The following GPAT3 variants were observed in gnomAD, a reference collection of about 807,000 sequenced individuals.
The protein encoded by GPAT3 is 1-AGP acyltransferase 9.
In GPAT3, 53 loss-of-function variants were observed where a neutral mutation model predicts 58.8. The ratio of observed to expected loss-of-function variants is 0.90; its 90% CI spans 0.72 to 1.13. GPAT3 has a LOEUF of 1.13. GPAT3 is among the 50% of genes most tolerant of loss of function. GPAT3 has a pLI of 0.00. For missense variants in GPAT3, 511 were observed against 527.6 expected (o/e 0.97, Z 0.31); for synonymous variants, 197 against 187.4 (o/e 1.05, Z -0.42).
At chr4:83,558,213 T>A (rs12331198) in intron 2 of GPAT3, among the ~76,000 whole-genome samples, 99 of 146,102 alleles carry the variant, frequency 6.8e-4, no homozygotes, top group East Asian at 3.8e-3. Context: ...GCCTCTGTCT[T>A]AAAAAAAAAA....
At chr4:83,571,558 GA>G (rs959612223) in intron 2 of GPAT3, among the ~76,000 whole-genome samples, 1 of 151,074 alleles carries the variant, frequency 6.6e-6, no homozygotes, top group African/African-American at 2.4e-5. Flanking sequence ...ATACTTTGTT[GA>G]AAAATTAGAC....
intron 2 of GPAT3, among the ~76,000 whole-genome samples, chr4:83,545,118 A>G (rs563319918): frequency 3.3e-4 from 50 of 152,338 alleles, no homozygotes; most frequent in Non-Finnish European, 4.3e-4. Context: ...AGTGCCTACT[A>G]ATAAAGGCTC....
chr4:83,545,884 G>A (rs1724486741), intron 2 of GPAT3, among the ~76,000 whole-genome samples: 1 of 152,118 alleles, frequency 6.6e-6, no homozygotes, highest in Non-Finnish European at 1.5e-5. Context: ...GATCTTGAGA[G>A]AAAATCAGTG....
intron 2 of GPAT3, among the ~76,000 whole-genome samples, chr4:83,564,687 A>G (rs1049145628): frequency 6.6e-6 from 1 of 151,914 alleles, no homozygotes; most frequent in Non-Finnish European, 1.5e-5. Flanking sequence ...CAACAGAGCA[A>G]GACTCTGTCA....
At chr4:83,593,388 A>C (rs575329706) in intron 6 of GPAT3, among the ~76,000 whole-genome samples, 1 of 149,994 alleles carries the variant, frequency 6.7e-6, no homozygotes, top group East Asian at 2.0e-4. Context: ...CTGGGCTTGA[A>C]CTCCTGACCT....
chr4:83,584,383 T>C (rs1194419038), intron 3 of GPAT3, among the ~76,000 whole-genome samples: 3 of 152,206 alleles, frequency 2.0e-5, no homozygotes, highest in African/African-American at 7.2e-5. Flanking sequence ...AAGAACTGCT[T>C]TGTAAATGCT....
intron 1 of GPAT3, among the ~76,000 whole-genome samples, chr4:83,541,135 C>CT: frequency 6.6e-6 from 1 of 152,172 alleles, no homozygotes; most frequent in Admixed American, 6.5e-5. Context: ...CATGTTTTTA[C>CT]TTTCACCGGG....
intron 2 of GPAT3, among the ~76,000 whole-genome samples, chr4:83,569,444 G>T (rs917039476): frequency 6.6e-6 from 1 of 152,216 alleles, no homozygotes; most frequent in Non-Finnish European, 1.5e-5. Flanking sequence ...GACGGTCCAG[G>T]TTAATAAAGA....
At chr4:83,590,426 T>G in intron 6 of GPAT3, 134 bp downstream of exon 6, 1 of 719,158 alleles carries the variant, frequency 1.4e-6, no homozygotes, top group South Asian at 1.9e-5. Context: ...GCTATATAAG[T>G]TATGTAATGT....
chr4:83,570,421 G>T (rs182669168), intron 2 of GPAT3, among the ~76,000 whole-genome samples: 9 of 151,968 alleles, frequency 5.9e-5, no homozygotes, highest in Admixed American at 2.0e-4. Context: ...GGGAAGATAG[G>T]ATTGGCTAGA....
At chr4:83,561,340 A>C (rs746064954) in intron 2 of GPAT3, among the ~76,000 whole-genome samples, 5 of 152,210 alleles carry the variant, frequency 3.3e-5, no homozygotes, top group African/African-American at 4.8e-5. Context: ...AATATGTAAA[A>C]TACTTAAAAT....
intron 1 of GPAT3, among the ~76,000 whole-genome samples, chr4:83,537,103 T>C (rs1038627386): frequency 6.6e-5 from 10 of 152,218 alleles, no homozygotes. Context: ...TTATATCCAT[T>C]ATGCAGTGCA....
At chr4:83,570,205 T>G (rs951961597) in intron 2 of GPAT3, among the ~76,000 whole-genome samples, 2 of 152,208 alleles carry the variant, frequency 1.3e-5, no homozygotes, top group Admixed American at 6.5e-5. Context: ...AGTTCCTTCT[T>G]CTCTCTGGCC....
chr4:83,550,089 G>A lies in GPAT3; in HGVS notation c.208+5487G>A, dbSNP rs1166699369. On this transcript the variant is annotated intron_variant, in intron 2 of 11. Transcript: ENST00000264409. Reference sequence around the variant, plus strand: ...GCCCAGGATGGTCTTGAACTCCTCAGGATGGTCTTAAGTGATTCTCCTGCC... The same window carrying A: ...GCCCAGGATGGTCTTGAACTCCTCAAGATGGTCTTAAGTGATTCTCCTGCC... Among the ~76,000 whole-genome samples, 3 of 151,950 alleles carry A rather than the reference G, an allele frequency of 2.0e-5. No homozygotes were observed. The East Asian group carries it at 5.8e-4, about 29-fold the overall frequency.
At chr4:83,592,419 T>G (rs1726637536) in intron 6 of GPAT3, among the ~76,000 whole-genome samples, 1 of 152,164 alleles carries the variant, frequency 6.6e-6, no homozygotes, top group Non-Finnish European at 1.5e-5. Flanking sequence ...AAACATAAAC[T>G]CTGTATTGAA....
Position 83,598,648 on chromosome 4 carries a change from G to A in GPAT3, c.1130G>A (p.Gly377Glu). The A allele has an allele frequency of 1.2e-6, 2 of 1,600,964 alleles. No individual in the cohort carries two copies. The highest frequency in any genetic ancestry group is 1.7e-6 in the Non-Finnish European group (2 of 1,175,594). The change falls in exon 11 of 12, where the codon GGA becomes GAA. Residue 377 changes from glycine (G) to glutamate (E), a missense_variant. Transcript: ENST00000264409. ...TTTTTTTTTTTTTTAAACCAGGAAG[G>A]AGAAGATGCAGTCCAGTTTGCTAAC... The part of the protein sequence containing the change: ...WYMPPMTREE[G>E]EDAVQFANRV...
chr4:83,590,139 GTATT>G, intron 5 of GPAT3, 56 bp from the exon 6 acceptor site: 1 of 1,462,250 alleles, frequency 6.8e-7, no homozygotes, highest in Non-Finnish European at 9.5e-7. Context: ...AGTAAGATGA[GTATT>G]TACATGCTGT....
rs901487984 is a variant in GPAT3 at position 83,544,667 on chromosome 4, T to C, written c.208+65T>C. 9 of 1,473,976 alleles carry C rather than the reference T, an allele frequency of 6.1e-6. No homozygotes were observed. In the African/African-American group the frequency reaches 1.1e-4, roughly 18 times the overall value. The allele number at this position is 1,473,976 out of a possible 1,614,324, so 91.3% of individuals were successfully genotyped here. On this transcript the variant is annotated intron_variant, in intron 2 of 11. Transcript: ENST00000264409. Reference sequence around the variant, plus strand: ...ATTGGGTGGATGTAAACCTACCCAATTTGAACTTGAAATATGCAGAGAGCA... The same window carrying C: ...ATTGGGTGGATGTAAACCTACCCAACTTGAACTTGAAATATGCAGAGAGCA...
At chr4:83,539,896 G>A (rs994789339) in intron 1 of GPAT3, among the ~76,000 whole-genome samples, 6 of 152,176 alleles carry the variant, frequency 3.9e-5, no homozygotes, top group East Asian at 3.8e-4. Flanking sequence ...GGTGGCTCAC[G>A]CCTGTAATCC....
Sources: allele counts gnomAD v4.1 joint callset (sites outside exome capture counted in the v4.1 genomes callset), GRCh38; gene constraint gnomAD v4.1.1; transcripts MANE v1.5; gene names NCBI Gene and HGNC (gene_info 2026-07-23, HGNC 2026-07-21).